The following SAP130 variants were observed in gnomAD, a reference collection of about 807,000 sequenced individuals.
SAP130 encodes the protein Sin3A associated protein 130.
Under a neutral mutation model 103.2 loss-of-function variants are expected in SAP130, and 16 were observed. The observed-to-expected ratio is 0.16, with a 90% CI of 0.10 to 0.24. The LOEUF (loss-of-function observed/expected upper bound fraction) is 0.24. Among genes scored for constraint, SAP130 ranks in the 10% least tolerant of loss-of-function variants. The pLI is 1.00. For synonymous variants in SAP130, 477 were observed against 497.0 expected (o/e 0.96, Z 0.53); for missense variants, 990 against 1,359.7 (o/e 0.73, Z 4.28).
chr2:128,010,538 A>G, intron 6 of SAP130, 145 bp from the exon 7 acceptor site: 1 of 900,212 alleles, frequency 1.1e-6, no homozygotes. Flanking sequence ...CAATTAAGGA[A>G]TTCTCTTTTC....
At chr2:127,970,385 A>G (rs1437835715) in intron 15 of SAP130, among the ~76,000 whole-genome samples, 1 of 151,194 alleles carries the variant, frequency 6.6e-6, no homozygotes, top group African/African-American at 2.4e-5. Context: ...TACTAAAAAT[A>G]CAAAAATTAG....
chr2:127,953,647 G>A lies in SAP130; in HGVS notation c.2422+1339C>T, dbSNP rs971958698. On this transcript the variant is annotated intron_variant, in intron 16 of 20. Coordinates refer to ENST00000643581, the MANE Select transcript of SAP130 (RefSeq NM_001330301.2). The surrounding 1 kb of genome is among the most constrained non-coding windows in gnomAD (Gnocchi z 4.0). ...CTTTGCTATATTTTGAGCACATCACGCATGCTCCTATCTCAAGATTTTTGT... is the reference window on the plus strand; with the variant it reads ...CTTTGCTATATTTTGAGCACATCACACATGCTCCTATCTCAAGATTTTTGT... 6.6e-6 allele frequency among the ~76,000 whole-genome samples: 1 copy of A among 152,052 alleles called. No individual in the cohort carries two copies. Among genetic ancestry groups the A allele is most frequent in the African/African-American group, 2.4e-5 (1 of 41,406 alleles).
intron 13 of SAP130, among the ~76,000 whole-genome samples, chr2:127,988,082 G>C (rs1320967298): frequency 6.6e-6 from 1 of 152,074 alleles, no homozygotes; most frequent in Non-Finnish European, 1.5e-5. Context: ...AAAAATCAGA[G>C]AGACTTTGAT....
At chr2:127,982,505 A>G (rs76016420) in intron 14 of SAP130, among the ~76,000 whole-genome samples, 12,140 of 152,226 alleles carry the variant, frequency 0.08, 970 homozygotes, top group African/African-American at 0.2. Context: ...TTCTCAAAAA[A>G]GGAGCAATTT....
intron 18 of SAP130, among the ~76,000 whole-genome samples, chr2:127,947,660 T>A (rs1679175957): frequency 6.6e-6 from 1 of 152,220 alleles, no homozygotes; most frequent in Non-Finnish European, 1.5e-5. Flanking sequence ...TCTCTAGCAA[T>A]TTTCTTTCCT....
intron 14 of SAP130, among the ~76,000 whole-genome samples, chr2:127,985,309 A>T (rs1434011894): frequency 6.6e-6 from 1 of 152,222 alleles, no homozygotes; most frequent in Non-Finnish European, 1.5e-5. Flanking sequence ...GTATTCATAA[A>T]CAGCAAAGAT....
At chr2:128,007,368 T>C (rs1684051290) in intron 7 of SAP130, among the ~76,000 whole-genome samples, 1 of 152,194 alleles carries the variant, frequency 6.6e-6, no homozygotes, top group African/African-American at 2.4e-5. Context: ...GTGCGTAGGT[T>C]ATACGCAAAT....
chr2:127,995,108 GT>G (rs1683080954), intron 11 of SAP130, among the ~76,000 whole-genome samples: 1 of 152,174 alleles, frequency 6.6e-6, no homozygotes, highest in Non-Finnish European at 1.5e-5. Context: ...AAGCGATGGG[GT>G]TGAACTAGAG....
intron 16 of SAP130, among the ~76,000 whole-genome samples, chr2:127,952,903 T>C (rs1458670838): frequency 6.6e-6 from 1 of 152,160 alleles, no homozygotes; most frequent in Non-Finnish European, 1.5e-5. Context: ...CTTCTGTCTT[T>C]ATCAACATTC....
intron 4 of SAP130, among the ~76,000 whole-genome samples, chr2:128,015,401 A>G (rs1463779488): frequency 6.6e-6 from 1 of 152,262 alleles, no homozygotes; most frequent in East Asian, 1.9e-4. Context: ...CCCAAACCAC[A>G]GAGTTCAGGG....
chr2:127,984,916 T>C lies in SAP130; in HGVS notation c.1958+1869A>G, dbSNP rs548502007. Among the ~76,000 whole-genome samples, 4 of 152,352 alleles carry C rather than the reference T, an allele frequency of 2.6e-5. No individual in the cohort carries two copies. The South Asian group carries it at 8.3e-4, about 32-fold the overall frequency. On this transcript the variant is annotated intron_variant, in intron 14 of 20. Transcript: ENST00000643581. ...TTAACACTTTTCAAACTCAAAGGTTTTAACTTATCCTCCTTAAAGGACAGA... is the reference window on the plus strand; with the variant it reads ...TTAACACTTTTCAAACTCAAAGGTTCTAACTTATCCTCCTTAAAGGACAGA...
chr2:127,992,472 G>T (rs1034265035), intron 12 of SAP130, among the ~76,000 whole-genome samples: 4 of 151,712 alleles, frequency 2.6e-5, no homozygotes, highest in Non-Finnish European at 5.9e-5. Flanking sequence ...TAGAGACAGG[G>T]TTTCTCCATG....
chr2:127,976,124 G>C (rs898570309), intron 15 of SAP130, among the ~76,000 whole-genome samples: 2 of 152,188 alleles, frequency 1.3e-5, no homozygotes, highest in Non-Finnish European at 2.9e-5. Context: ...GGGATTACAG[G>C]TGTGAGCCAC....
At chr2:127,969,998 G>C (rs955398915) in intron 15 of SAP130, among the ~76,000 whole-genome samples, 1 of 152,172 alleles carries the variant, frequency 6.6e-6, no homozygotes, top group Non-Finnish European at 1.5e-5. Context: ...GGGAGGCCGA[G>C]GTGGGCGGAT....
At chr2:127,964,514 AAAAAG>A (rs1559047457) in intron 15 of SAP130, among the ~76,000 whole-genome samples, 4 of 147,600 alleles carry the variant, frequency 2.7e-5, no homozygotes, top group Non-Finnish European at 3.1e-5. Context: ...AAAAAAAAAA[AAAAAG>A]TAAATTAAAA....
At chr2:127,945,858 G>T (rs1559026427) in intron 18 of SAP130, among the ~76,000 whole-genome samples, 1 of 152,102 alleles carries the variant, frequency 6.6e-6, no homozygotes, top group African/African-American at 2.4e-5. Context: ...TTGCTATGTT[G>T]CCCAGGTTGG....
rs983154037 is a variant in SAP130, at chr2:127,996,723, C to T, written c.1214-232G>A. 1.3e-5 allele frequency among the ~76,000 whole-genome samples: 2 copies of T among 152,120 alleles called. No individual in the cohort carries two copies. Among genetic ancestry groups the T allele is most frequent in the African/African-American group, 4.8e-5 (2 of 41,418 alleles). On this transcript the variant is annotated intron_variant, in intron 10 of 20. Transcript: ENST00000643581. The surrounding 1 kb of genome is among the most constrained non-coding windows in gnomAD (Gnocchi z 4.3). ...GCAGGGTTCAACATTAATACTGAAA[C>T]AAAGATAGAAGTGACCAGGCTCTTT... is the stretch of plus-strand genomic sequence containing the variant.
At chr2:127,963,418 T>C (rs1371214742) in intron 15 of SAP130, among the ~76,000 whole-genome samples, 1 of 152,100 alleles carries the variant, frequency 6.6e-6, no homozygotes, top group Admixed American at 6.6e-5. Context: ...TTTGTAGAGA[T>C]GGAGTTTGGC....
chr2:127,997,394 G>A (rs566799546), intron 10 of SAP130, among the ~76,000 whole-genome samples: 150 of 152,260 alleles, frequency 9.9e-4, no homozygotes, highest in Admixed American at 2.3e-3. Flanking sequence ...ACCAGTGAGA[G>A]GCACATTAAC....
Sources: gnomAD v4.1 joint callset for allele counts (sites outside exome capture counted in the v4.1 genomes callset) on GRCh38, gnomAD v4.1.1 for gene constraint, Gnocchi (gnomAD v3.1) non-coding constraint, MANE v1.5 for transcripts, NCBI Gene and HGNC (gene_info 2026-07-23, HGNC 2026-07-21) for gene names.